PCDH15: variants seen among roughly 807,000 people sequenced by gnomAD.
The protein encoded by PCDH15 is protocadherin related 15.
In PCDH15, 129 loss-of-function variants were observed where a neutral mutation model predicts 178.5. The ratio of observed to expected loss-of-function variants is 0.72; its 90% CI spans 0.63 to 0.84. The LOEUF (loss-of-function observed/expected upper bound fraction) is 0.84. PCDH15 is among the 40% of genes least tolerant of loss of function. The probability of loss-of-function intolerance (pLI) is 0.00; values close to 1 mark genes in which losing one functional copy is unlikely to be tolerated. For synonymous variants in PCDH15, 800 were observed against 732.0 expected, an observed-to-expected ratio of 1.09 and a Z score of -1.50; for missense variants, 2,230 against 2,099.9, an observed-to-expected ratio of 1.06 and a Z score of -1.21.
At chr10:55,249,937 A>T (rs1841790078) in intron 1 of PCDH15, among the ~76,000 whole-genome samples, 1 of 152,078 alleles carries the variant, frequency 6.6e-6, no homozygotes, top group African/African-American at 2.4e-5. Flanking sequence ...ATCTTGAAAC[A>T]AAATATTTTG....
intron 9 of PCDH15, among the ~76,000 whole-genome samples, chr10:54,228,575 T>C (rs1016648285): frequency 2.0e-5 from 3 of 152,164 alleles, no homozygotes; most frequent in Non-Finnish European, 4.4e-5. Flanking sequence ...GTGCATTTTT[T>C]ATCAGGTCCA....
chr10:54,105,725 A>G (rs2094906227), intron 15 of PCDH15, among the ~76,000 whole-genome samples: 1 of 152,156 alleles, frequency 6.6e-6, no homozygotes, highest in African/African-American at 2.4e-5. Context: ...TTTCAATCCA[A>G]TTAAGTTGAC....
At chr10:54,648,690 G>T (rs765852769) in intron 2 of PCDH15, among the ~76,000 whole-genome samples, 2 of 152,178 alleles carry the variant, frequency 1.3e-5, no homozygotes, top group South Asian at 4.1e-4. Context: ...TACCACAAAC[G>T]CTAGTTGTTA....
chr10:54,577,313 C>G (rs2090584375), intron 2 of PCDH15, among the ~76,000 whole-genome samples: 1 of 149,896 alleles, frequency 6.7e-6, no homozygotes, highest in African/African-American at 2.5e-5. Context: ...AGGATAGTCT[C>G]GATCTCCTGA....
chr10:54,882,477 A>G (rs1290035205), intron 3 of PCDH15, among the ~76,000 whole-genome samples: 1 of 151,846 alleles, frequency 6.6e-6, no homozygotes, highest in African/African-American at 2.4e-5. Flanking sequence ...ACCTAATTAT[A>G]TTTTTCTTTA....
chr10:53,981,828 T>C (rs965226719), intron 21 of PCDH15, among the ~76,000 whole-genome samples: 3 of 151,548 alleles, frequency 2.0e-5, no homozygotes, highest in Non-Finnish European at 4.4e-5. Context: ...TGGGATCTAA[T>C]TAAACTCAAG....
intron 2 of PCDH15, among the ~76,000 whole-genome samples, chr10:54,636,964 C>T (rs2093868791): frequency 2.0e-5 from 3 of 151,752 alleles, no homozygotes; most frequent in Non-Finnish European, 4.4e-5. Flanking sequence ...AACAAGATGT[C>T]AGTAAGTTGT....
intron 2 of PCDH15, among the ~76,000 whole-genome samples, chr10:54,588,865 C>T (rs1388855193): frequency 6.6e-6 from 1 of 152,134 alleles, no homozygotes; most frequent in Non-Finnish European, 1.5e-5. Context: ...TAAGCCACCA[C>T]ACCTGGACTG....
intron 28 of PCDH15, among the ~76,000 whole-genome samples, chr10:53,842,837 T>C (rs536785621): frequency 1.3e-5 from 2 of 152,260 alleles, no homozygotes; most frequent in East Asian, 3.9e-4. Flanking sequence ...TACAATGCAA[T>C]AGATGGCTCT....
At chr10:54,397,370 T>C (rs561296000) in intron 3 of PCDH15, among the ~76,000 whole-genome samples, 6 of 152,174 alleles carry the variant, frequency 3.9e-5, no homozygotes, top group Admixed American at 3.9e-4. Flanking sequence ...TTAAATGTGG[T>C]CCAAACTCAG....
At chr10:55,516,440 C>G (rs777480054) in intron 2 of PCDH15, among the ~76,000 whole-genome samples, 4 of 152,046 alleles carry the variant, frequency 2.6e-5, no homozygotes, top group African/African-American at 4.8e-5. Flanking sequence ...AAAAATGGAC[C>G]AATACACTTC....
chr10:55,473,904 T>C (rs1409493852), intron 2 of PCDH15, among the ~76,000 whole-genome samples: 2 of 152,184 alleles, frequency 1.3e-5, no homozygotes, highest in African/African-American at 4.8e-5. Context: ...ACAACTATCT[T>C]GCATGTTAGA....
At chr10:55,589,490 G>T (rs1333692898) in intron 2 of PCDH15, among the ~76,000 whole-genome samples, 1 of 151,908 alleles carries the variant, frequency 6.6e-6, no homozygotes, top group African/African-American at 2.4e-5. Context: ...AAGAGCTTCT[G>T]CACAGCAAAA....
At chr10:54,144,380 G>A (rs1315389695) in intron 14 of PCDH15, among the ~76,000 whole-genome samples, 1 of 152,074 alleles carries the variant, frequency 6.6e-6, no homozygotes, top group Non-Finnish European at 1.5e-5. Flanking sequence ...TCTGTTTTAT[G>A]TGAGTTCCTT....
rs760187372 is a variant in PCDH15 at position 55,151,157 on chromosome 10, T to TC, written c.-80+15418dup. Among the ~76,000 whole-genome samples, 15 of 152,198 alleles carry TC rather than the reference T, an allele frequency of 9.9e-5. No individual in the cohort carries two copies. The East Asian group carries it at 1.5e-3, about 16-fold the overall frequency. The stretch of plus-strand genomic sequence containing the variant: ...GAGGAGACAAATTTGCCAGATATGT[T>TC]CCCCTCTTAATTGTCTTATCTGGCA... On this transcript the variant is annotated intron_variant, in intron 2 of 5. Coordinates refer to the PCDH15 transcript ENST00000458638.
At chr10:54,823,980 C>T (rs1000288449) in intron 3 of PCDH15, among the ~76,000 whole-genome samples, 1 of 152,092 alleles carries the variant, frequency 6.6e-6, no homozygotes, top group Non-Finnish European at 1.5e-5. Context: ...AAATCCACAA[C>T]TTGTCAAGCA....
Position 54,743,824 on chromosome 10 carries a change from AAAAG to A in PCDH15, c.-29+57097_-29+57100del, listed in dbSNP as rs1438582652. 2.4e-4 allele frequency among the ~76,000 whole-genome samples: 37 copies of A among 152,132 alleles called. No individual in the cohort carries two copies. The East Asian group carries it at 6.6e-3, about 27-fold the overall frequency. On this transcript the variant is annotated intron_variant, in intron 1 of 37. Transcript: ENST00000644397. Reference sequence around the variant, plus strand: ...ATATTAGATTTAGAAAAAAGAAAAAAAAAGAAAGTAAAAAGAAACCACTCTAACA... The same window carrying A: ...ATATTAGATTTAGAAAAAAGAAAAAAAAAGTAAAAAGAAACCACTCTAACA...
In PCDH15 at chr10:53,810,617, G is replaced by T. The variant is rs1288943935; in HGVS notation, c.4610C>A (p.Ala1537Asp). The change falls in exon 37 of 38, where the codon GCT becomes GAT. Residue 1537 changes from alanine to aspartate, a missense_variant. Transcript: ENST00000644397. ...YGSRRRLLPPAGQEEYGEVVG... is the reference protein window; with the variant it reads ...YGSRRRLLPPDGQEEYGEVVG... ...CACCTCACCATATTCCTCCTGTCCAGCTGGTGGTAACAATCGACGGCGACT... is the reference window on the plus strand; with the variant it reads ...CACCTCACCATATTCCTCCTGTCCATCTGGTGGTAACAATCGACGGCGACT... 9 of 1,613,792 alleles carry T rather than the reference G, an allele frequency of 5.6e-6. No individual in the cohort carries two copies. Among genetic ancestry groups the T allele is most frequent in the South Asian group, 2.2e-5 (2 of 91,078 alleles).
chr10:55,536,186 A>T (rs947919694), intron 2 of PCDH15, among the ~76,000 whole-genome samples: 6 of 152,142 alleles, frequency 3.9e-5, no homozygotes, highest in Non-Finnish European at 7.4e-5. Context: ...TACAAGATTT[A>T]AAACATCAAG....
Sources: gnomAD v4.1 joint callset for allele counts (sites outside exome capture counted in the v4.1 genomes callset) on GRCh38, gnomAD v4.1.1 for gene constraint, MANE v1.5 for transcripts, NCBI Gene and HGNC (gene_info 2026-07-23, HGNC 2026-07-21) for gene names.